Variants in AR observed in about 807,000 individuals in gnomAD.
The protein encoded by AR is androgen receptor, also known as dihydrotestosterone receptor.
AR carries 8 observed loss-of-function variants against 53.9 expected under a neutral mutation model. That is an observed-to-expected ratio of 0.15 (90% CI 0.09 to 0.27). AR has a LOEUF of 0.27. Among genes scored for constraint, AR ranks in the 10% least tolerant of loss-of-function variants. The pLI, the probability that AR is intolerant of heterozygous loss-of-function variation, is 1.00. For missense variants in AR, 639 were observed against 742.5 expected, an observed-to-expected ratio of 0.86 and a Z score of 1.62; for synonymous variants, 359 against 316.4, an observed-to-expected ratio of 1.13 and a Z score of -1.43.
chrX:67,567,908 G>C (rs1458782603), intron 1 of AR, among the ~76,000 whole-genome samples: 1 of 111,824 alleles, frequency 8.9e-6, no homozygotes, highest in East Asian at 2.8e-4. Context: ...CTAAAAGCCT[G>C]TGCATGTGTG....
intron 7 of AR, 151 bp from the exon 8 acceptor site, chrX:67,723,535 A>ACACACACT: frequency 1.7e-6 from 1 of 598,399 alleles, no homozygotes; most frequent in Non-Finnish European, 2.8e-6. Context: ...ACACACACAC[A>ACACACACT]CACACGACCT....
At chrX:67,721,396 G>C (rs1463124390) in intron 5 of AR, among the ~76,000 whole-genome samples, 1 of 111,899 alleles carries the variant, frequency 8.9e-6, no homozygotes, top group African/African-American at 3.2e-5. Flanking sequence ...CTGACTACTG[G>C]GGCTTCTCCT....
chrX:67,577,856 T>C (rs1922127727), intron 1 of AR, among the ~76,000 whole-genome samples: 1 of 111,735 alleles, frequency 8.9e-6, no homozygotes, highest in Non-Finnish European at 1.9e-5. Flanking sequence ...TCTTACAATA[T>C]ATTTTGGATG....
At chrX:67,587,153 TG>T (rs2147361443) in intron 1 of AR, among the ~76,000 whole-genome samples, 1 of 112,130 alleles carries the variant, frequency 8.9e-6, no homozygotes, top group South Asian at 3.7e-4. Context: ...AGGCAAGAGT[TG>T]AACCCAGATC....
chrX:67,684,251 C>T (rs751259944), intron 2 of AR, among the ~76,000 whole-genome samples: 4 of 111,752 alleles, frequency 3.6e-5, no homozygotes, highest in Non-Finnish European at 5.6e-5. Flanking sequence ...CTCGTAGCAC[C>T]GTCCTTTCTG....
chrX:67,682,271 A>G (rs1348306616), intron 2 of AR, among the ~76,000 whole-genome samples: 2 of 110,924 alleles, frequency 1.8e-5, no homozygotes, highest in Non-Finnish European at 3.8e-5. Context: ...CTTACTTTGC[A>G]CAGATTATTA....
chrX:67,572,941 C>A (rs985571555), intron 1 of AR, among the ~76,000 whole-genome samples: 1 of 111,617 alleles, frequency 9.0e-6, no homozygotes, highest in African/African-American at 3.3e-5. Flanking sequence ...TTTTAATGCT[C>A]ACAATAGCCG....
intron 1 of AR, among the ~76,000 whole-genome samples, chrX:67,603,429 A>G (rs1805770287): frequency 8.9e-6 from 1 of 111,865 alleles, no homozygotes; most frequent in Admixed American, 9.5e-5. Context: ...GTAAGAGTTC[A>G]GAGGAGATTG....
chrX:67,603,769 A>T (rs1378737632), intron 1 of AR, among the ~76,000 whole-genome samples: 1 of 111,597 alleles, frequency 9.0e-6, no homozygotes, highest in African/African-American at 3.3e-5. Flanking sequence ...AATAGTGTAG[A>T]TAAGGGTTGA....
Position 67,544,251 on chromosome X carries a change from C to G in AR, c.-896C>G, listed in dbSNP as rs975308173. 4.1e-5 allele frequency: 7 copies of G among 172,472 alleles called. No homozygotes were observed. Among genetic ancestry groups the G allele is most frequent in the African/African-American group, 2.1e-4 (7 of 33,851 alleles). 14.2% of individuals were successfully genotyped at this position (172,472 alleles called of 1,213,427 possible). A position where few individuals can be genotyped will look rare whatever the true frequency, so the allele number is the denominator to read the frequency against. The stretch of plus-strand genomic sequence containing the variant: ...CCGCCGCCCGGAGCTGCCCTTTCCT[C>G]TTCGGTGAAGTTTTTAAAAGCTGCT... On this transcript the variant is annotated 5_prime_UTR_variant, in exon 1 of 8. Coordinates refer to ENST00000374690, the MANE Select transcript of AR (RefSeq NM_000044.6).
At chrX:67,629,946 T>C (rs1257182812) in intron 1 of AR, among the ~76,000 whole-genome samples, 1 of 111,467 alleles carries the variant, frequency 9.0e-6, no homozygotes, top group Non-Finnish European at 1.9e-5. Context: ...AGTTGAGCGG[T>C]TTTGAGTGAG....
At chrX:67,659,702 G>C (rs1463207514) in intron 2 of AR, among the ~76,000 whole-genome samples, 1 of 111,697 alleles carries the variant, frequency 9.0e-6, no homozygotes, top group Non-Finnish European at 1.9e-5. Flanking sequence ...CTTTATAGCA[G>C]CATGATTTAT....
At chrX:67,704,135 A>T (rs1268319103) in intron 3 of AR, among the ~76,000 whole-genome samples, 4 of 112,056 alleles carry the variant, frequency 3.6e-5, no homozygotes, top group Admixed American at 2.8e-4. Flanking sequence ...GAGCAGCATG[A>T]CATATAATCC....
intron 2 of AR, among the ~76,000 whole-genome samples, chrX:67,655,268 C>T (rs923664688): frequency 1.8e-5 from 2 of 110,643 alleles, no homozygotes; most frequent in Non-Finnish European, 3.8e-5. Context: ...CTTAACTCTG[C>T]TCAGCTTCAG....
rs192734517 is a variant in AR, at chrX:67,719,991, G to A, written c.2319-1842G>A. On this transcript the variant is annotated intron_variant, in intron 5 of 7. Coordinates refer to ENST00000374690, the MANE Select transcript of AR (RefSeq NM_000044.6). ...AGAGATCACATGTTGTGAGGATAATGAGCTTGAACCTTAGCTGTGTGACCT... is the reference window on the plus strand; with the variant it reads ...AGAGATCACATGTTGTGAGGATAATAAGCTTGAACCTTAGCTGTGTGACCT... 1.2e-4 allele frequency among the ~76,000 whole-genome samples: 13 copies of A among 112,146 alleles called. No individual in the cohort carries two copies. In the East Asian group the frequency reaches 3.4e-3, roughly 29 times the overall value.
At chrX:67,570,189 G>T (rs761873250) in intron 1 of AR, among the ~76,000 whole-genome samples, 3 of 111,893 alleles carry the variant, frequency 2.7e-5, no homozygotes, top group Non-Finnish European at 5.6e-5. Flanking sequence ...ACGCATCCAT[G>T]TATCTTTCTG....
chrX:67,603,703 T>C (rs750630206), intron 1 of AR, among the ~76,000 whole-genome samples: 1 of 111,894 alleles, frequency 8.9e-6, no homozygotes, highest in South Asian at 3.8e-4. Context: ...TTAACATTTG[T>C]TTTTGAACAA....
rs1479622768 is a variant in AR, at chrX:67,546,548, G to C, written c.1402G>C (p.Gly468Arg). Residue 468 changes from glycine to arginine, a missense_variant, in exon 1 of 8, where the codon GGC (glycine) becomes CGC (arginine). By Grantham distance (125) the Gly-to-Arg change is moderately radical. Around this residue, in one of 5 missense-constraint regions of AR, gnomAD observed 423 missense variants for 377.0 expected, o/e 1.12. Coordinates refer to ENST00000374690, the MANE Select transcript of AR (RefSeq NM_000044.6). ...GGGGGGGGGG[G>R]GGGGGEAGAV... ...CGGCGGCGGCGGCGGCGGCGGCGGCGGCGGCGGCGGCGGCGGCGAGGCGGG... is the reference window on the plus strand; with the variant it reads ...CGGCGGCGGCGGCGGCGGCGGCGGCCGCGGCGGCGGCGGCGGCGAGGCGGG... 1.1e-6 allele frequency: 1 copy of C among 945,237 alleles called. No homozygotes were observed. The highest frequency in any genetic ancestry group is 1.3e-6 in the Non-Finnish European group (1 of 750,329). 77.9% of individuals were successfully genotyped at this position (945,237 alleles called of 1,213,427 possible).
chrX:67,662,749 G>C (rs905222351), intron 2 of AR, among the ~76,000 whole-genome samples: 1 of 111,097 alleles, frequency 9.0e-6, no homozygotes, highest in African/African-American at 3.3e-5. Context: ...TTATTATTGT[G>C]TGGGAGTCTA....
Sources: allele counts gnomAD v4.1 joint callset (sites outside exome capture counted in the v4.1 genomes callset), GRCh38; gene constraint gnomAD v4.1.1; regional missense constraint gnomAD v4.1.1; transcripts MANE v1.5; gene names NCBI Gene and HGNC (gene_info 2026-07-23, HGNC 2026-07-21).